Variants in KCND3 observed in about 807,000 individuals in gnomAD.
KCND3 encodes potassium voltage-gated channel subfamily D member 3.
KCND3 carries 9 observed loss-of-function variants against 51.1 expected under a neutral mutation model. The ratio of observed to expected loss-of-function variants is 0.18; its 90% CI spans 0.11 to 0.31. The LOEUF (loss-of-function observed/expected upper bound fraction) is 0.31, where lower values mean the gene tolerates loss of function less well. KCND3 is among the 10% of genes least tolerant of loss of function. KCND3 has a pLI of 1.00. For synonymous variants in KCND3, 349 were observed against 368.0 expected (o/e 0.95, Z 0.59); for missense variants, 526 against 903.8 (o/e 0.58, Z 5.36).
At chr1:111,948,618 C>T (rs191133505) in intron 2 of KCND3, among the ~76,000 whole-genome samples, 2 of 152,280 alleles carry the variant, frequency 1.3e-5, no homozygotes, top group African/African-American at 4.8e-5. Context: ...GGCTTAAAAA[C>T]CCTCGGACCA....
At chr1:111,940,367 G>A (rs573465676) in intron 2 of KCND3, among the ~76,000 whole-genome samples, 1 of 151,956 alleles carries the variant, frequency 6.6e-6, no homozygotes, top group African/African-American at 2.4e-5. Context: ...TAGGTCTTAC[G>A]TTCAAGTCTT....
At chr1:111,977,419 C>T (rs551571069) in intron 2 of KCND3, among the ~76,000 whole-genome samples, 10 of 152,258 alleles carry the variant, frequency 6.6e-5, no homozygotes, top group East Asian at 1.9e-4. Context: ...CACCTGGAGG[C>T]GGCTTCCTGC....
chr1:111,797,416 G>C (rs1462328075), intron 2 of KCND3, among the ~76,000 whole-genome samples: 1 of 152,142 alleles, frequency 6.6e-6, no homozygotes, highest in Non-Finnish European at 1.5e-5. Context: ...GCACTGGCCA[G>C]TACTTTCCCC....
intron 2 of KCND3, among the ~76,000 whole-genome samples, chr1:111,952,038 G>C (rs1353289469): frequency 6.6e-6 from 1 of 152,210 alleles, no homozygotes; most frequent in Non-Finnish European, 1.5e-5. Flanking sequence ...ATGCTGCCAA[G>C]CTATGGCTGC....
At chr1:111,860,476 G>T (rs1322187620) in intron 2 of KCND3, among the ~76,000 whole-genome samples, 2 of 152,168 alleles carry the variant, frequency 1.3e-5, no homozygotes, top group Non-Finnish European at 2.9e-5. Context: ...AGGCCCCTGG[G>T]GAAGAGGTGT....
chr1:111,892,555 G>T (rs1669880125), intron 2 of KCND3, among the ~76,000 whole-genome samples: 1 of 152,252 alleles, frequency 6.6e-6, no homozygotes, highest in Non-Finnish European at 1.5e-5. Flanking sequence ...GGAGGCAGCT[G>T]TGAACAAGAC....
chr1:111,930,827 T>C (rs1014472794), intron 2 of KCND3, among the ~76,000 whole-genome samples: 1 of 152,184 alleles, frequency 6.6e-6, no homozygotes, highest in African/African-American at 2.4e-5. Context: ...GACTTAACCG[T>C]GACATGCTGG....
chr1:111,784,827 G>A (rs933020023), intron 3 of KCND3, among the ~76,000 whole-genome samples: 2 of 152,122 alleles, frequency 1.3e-5, no homozygotes, highest in African/African-American at 4.8e-5. Flanking sequence ...AGAGGGAGAG[G>A]GAAAGGGTCA....
intron 2 of KCND3, among the ~76,000 whole-genome samples, chr1:111,883,160 C>T (rs1462927175): frequency 6.6e-6 from 1 of 152,238 alleles, no homozygotes; most frequent in African/African-American, 2.4e-5. Context: ...GCCCCAACTC[C>T]CGTGGGCATA....
chr1:111,876,467 T>C (rs1415409973), intron 2 of KCND3, among the ~76,000 whole-genome samples: 2 of 152,194 alleles, frequency 1.3e-5, no homozygotes, highest in East Asian at 3.9e-4. Flanking sequence ...TCAATTTTAA[T>C]TCCCACAATG....
At chr1:111,875,968 A>G (rs1228362868) in intron 2 of KCND3, among the ~76,000 whole-genome samples, 2 of 152,212 alleles carry the variant, frequency 1.3e-5, no homozygotes, top group African/African-American at 4.8e-5. Context: ...AACAGGGCCA[A>G]TGTGCTTGTC....
chr1:111,803,597 G>A (rs1486308758), intron 2 of KCND3, among the ~76,000 whole-genome samples: 9 of 152,098 alleles, frequency 5.9e-5, no homozygotes, highest in Admixed American at 2.6e-4. Flanking sequence ...ACACCAGGTC[G>A]GAGATGGTGC....
chr1:111,848,126 T>C (rs1667644564), intron 2 of KCND3, among the ~76,000 whole-genome samples: 1 of 152,200 alleles, frequency 6.6e-6, no homozygotes, highest in Non-Finnish European at 1.5e-5. Context: ...ATATGCCTTG[T>C]CTCGAGCAGC....
rs188523020 is a variant in KCND3, at chr1:111,808,172, G to A, written c.1107-21066C>T. ...GTCCATGCACCTTGTCTAACGCCTG[G>A]GATAGAGAAGTAGGAACTCAATAAA... is the stretch of plus-strand genomic sequence containing the variant. On this transcript the variant is annotated intron_variant, in intron 2 of 7. Coordinates refer to ENST00000302127, the MANE Select transcript of KCND3 (RefSeq NM_001378969.1). Among the ~76,000 whole-genome samples the A allele has an allele frequency of 2.3e-4, 35 of 152,234 alleles. 1 individual carries two copies. Among genetic ancestry groups the A allele is most frequent in the Admixed American group, 2.2e-3 (33 of 15,290 alleles).
At chr1:111,869,499 A>T (rs1379971063) in intron 2 of KCND3, among the ~76,000 whole-genome samples, 1 of 152,110 alleles carries the variant, frequency 6.6e-6, no homozygotes, top group African/African-American at 2.4e-5. Flanking sequence ...TCTTCCAGGG[A>T]TTGGCCTAAC....
In KCND3 at chr1:111,840,572, C is replaced by T. The variant is rs1451371002; in HGVS notation, c.1107-53466G>A. Among the ~76,000 whole-genome samples, 6 of 152,036 alleles carry T rather than the reference C, an allele frequency of 3.9e-5. No homozygotes were observed. The South Asian group carries it at 1.0e-3, about 26-fold the overall frequency. On this transcript the variant is annotated intron_variant, in intron 2 of 7. Coordinates refer to ENST00000302127, the MANE Select transcript of KCND3 (RefSeq NM_001378969.1). Reference sequence around the variant, plus strand: ...ATTTATTTTCTGCTCCCCTCCACTGCCCCATTCAGAAATTTGTAAGTCATT... The same window carrying T: ...ATTTATTTTCTGCTCCCCTCCACTGTCCCATTCAGAAATTTGTAAGTCATT...
chr1:111,782,294 A>C (rs888300415), intron 3 of KCND3, among the ~76,000 whole-genome samples: 7 of 151,932 alleles, frequency 4.6e-5, no homozygotes, highest in Non-Finnish European at 7.4e-5. Flanking sequence ...AAACAATTCA[A>C]CTCCCTTCCC....
intron 2 of KCND3, among the ~76,000 whole-genome samples, chr1:111,878,565 G>C (rs1428184268): frequency 6.6e-6 from 1 of 152,250 alleles, no homozygotes; most frequent in Non-Finnish European, 1.5e-5. Flanking sequence ...GTGAAGAGAG[G>C]CACCCTCGTT....
At position 111,776,130 on chromosome 1, in the gene KCND3, T is replaced by C. The variant is rs1387093374; in HGVS notation, c.1915A>G (p.Asn639Asp). The C allele has an allele frequency of 6.2e-7, 1 of 1,614,140 alleles. No individual in the cohort carries two copies. The highest frequency in any genetic ancestry group is 1.3e-5 in the African/African-American group (1 of 75,038). The stretch of plus-strand genomic sequence containing the variant: ...CTGGCTATGGAAGGAATGTTCGTGT[T>C]GGGGCCTGGGCTGGCAGGGGGTGGC... ...SRPPPASPGP[N>D]TNIPSIASNV... Residue 639 changes from asparagine (N) to aspartate (D), a missense_variant, in exon 8 of 8, where the codon AAC becomes GAC. Transcript: ENST00000302127.
Sources: allele counts gnomAD v4.1 joint callset (sites outside exome capture counted in the v4.1 genomes callset), GRCh38; gene constraint gnomAD v4.1.1; transcripts MANE v1.5; gene names NCBI Gene and HGNC (gene_info 2026-07-23, HGNC 2026-07-21).